Variants in NFX1 observed in about 807,000 individuals in gnomAD.
NFX1 encodes nuclear transcription factor, X-box binding 1.
In NFX1, 69 loss-of-function variants were observed where a neutral mutation model predicts 137.2. That is an observed-to-expected ratio of 0.50 (90% CI 0.41 to 0.61). The LOEUF is 0.61. NFX1 is among the 20% of genes least tolerant of loss of function. NFX1 has a pLI of 0.00. For synonymous variants in NFX1, 495 were observed against 474.1 expected (o/e 1.04, Z -0.57); for missense variants, 1,167 against 1,391.0 (o/e 0.84, Z 2.56).
At chr9:33,369,828 T>A in intron 23 of NFX1, 78 bp from the exon 24 acceptor site, 1 of 984,216 alleles carries the variant, frequency 1.0e-6, no homozygotes, top group Non-Finnish European at 1.6e-6. Context: ...GTAAATCAGC[T>A]GATCCTTAAC....
At chr9:33,334,542 A>G (rs1822929443) in intron 11 of NFX1, among the ~76,000 whole-genome samples, 1 of 152,236 alleles carries the variant, frequency 6.6e-6, no homozygotes, top group African/African-American at 2.4e-5. Context: ...ATATGAAGTG[A>G]AAGATGAAAA....
intron 11 of NFX1, among the ~76,000 whole-genome samples, chr9:33,336,817 C>A (rs1021660277): frequency 6.6e-6 from 1 of 151,984 alleles, no homozygotes; most frequent in Non-Finnish European, 1.5e-5. Flanking sequence ...AAAGTTTTTC[C>A]AGGGCTGGGC....
At chr9:33,332,691 AAGCTAAGTGCACTCATGTCTAC>A (rs1314542443) in intron 11 of NFX1, 189 bp downstream of exon 11, 3 of 527,052 alleles carry the variant, frequency 5.7e-6, no homozygotes. Context: ...TGAAAAATAT[AAGCTAAGTGCACTCATGTCTAC>A]AGCTTGCTTT....
At chr9:33,328,343 ATCG>A (rs1168223361) in intron 9 of NFX1, among the ~76,000 whole-genome samples, 3 of 152,020 alleles carry the variant, frequency 2.0e-5, no homozygotes, top group African/African-American at 7.2e-5. Context: ...ACTTAGGCAA[ATCG>A]TCGTATACTT....
intron 9 of NFX1, among the ~76,000 whole-genome samples, chr9:33,326,482 G>C (rs932693666): frequency 6.6e-6 from 1 of 151,744 alleles, no homozygotes; most frequent in African/African-American, 2.4e-5. Context: ...TACTCAGGAG[G>C]CTGAGGTGGA....
chr9:33,298,810 G>T (rs184763542), intron 2 of NFX1, among the ~76,000 whole-genome samples: 2 of 152,138 alleles, frequency 1.3e-5, no homozygotes, highest in African/African-American at 4.8e-5. Context: ...TTAAGCTGCT[G>T]TGTGGAGAAT....
At chr9:33,317,403 A>G (rs1375869122) in intron 7 of NFX1, among the ~76,000 whole-genome samples, 1 of 143,486 alleles carries the variant, frequency 7.0e-6, no homozygotes, top group East Asian at 2.0e-4. Flanking sequence ...TGGGTGACAA[A>G]GTGAGGCCCT....
intron 9 of NFX1, among the ~76,000 whole-genome samples, chr9:33,324,720 G>A (rs1822513407): frequency 6.6e-6 from 1 of 151,896 alleles, no homozygotes; most frequent in South Asian, 2.1e-4. Flanking sequence ...GAGGTCAGGA[G>A]ATCGAGACCA....
chr9:33,305,683 C>T (rs1450390125), intron 4 of NFX1, among the ~76,000 whole-genome samples: 1 of 152,142 alleles, frequency 6.6e-6, no homozygotes, highest in African/African-American at 2.4e-5. Context: ...AGGTTGATTC[C>T]TGACAGTAGT....
In NFX1 at chr9:33,317,720, A is replaced by C. The variant is rs553260588; in HGVS notation, c.1589-1011A>C. Among the ~76,000 whole-genome samples the C allele has an allele frequency of 2.0e-4, 31 of 151,944 alleles. No individual in the cohort carries two copies. In the East Asian group the frequency reaches 5.8e-3, roughly 28 times the overall value. On this transcript the variant is annotated intron_variant, in intron 7 of 23. Transcript: ENST00000379540. Reference sequence around the variant, plus strand: ...GCCGGGCGTGGTGGCTCACGCCTGTAGTCCCAGCCCTTTGGGAAGCTGAGG... The same window carrying C: ...GCCGGGCGTGGTGGCTCACGCCTGTCGTCCCAGCCCTTTGGGAAGCTGAGG...
chr9:33,355,939 C>T (rs907715675), intron 19 of NFX1, among the ~76,000 whole-genome samples: 1 of 152,176 alleles, frequency 6.6e-6, no homozygotes, highest in African/African-American at 2.4e-5. Context: ...GCCACCACGC[C>T]CAGCCCAGAA....
rs779028887 is a variant in NFX1 at position 33,365,276 on chromosome 9, AAAAG to A, written c.3039+523_3039+526del. 2.3e-3 allele frequency: 353 copies of A among 153,830 alleles called. 1 individual carries two copies. Among genetic ancestry groups the A allele is most frequent in the African/African-American group, 7.2e-3 (300 of 41,496 alleles). 9.5% of individuals were successfully genotyped at this position (153,830 alleles called of 1,614,324 possible). A position where few individuals can be genotyped will look rare whatever the true frequency, so the allele number is the denominator to read the frequency against. On this transcript the variant is annotated intron_variant, in intron 21 of 23. Coordinates refer to ENST00000379540, the MANE Select transcript of NFX1 (RefSeq NM_002504.6). ...GCAACAAGAGTGAAACTCTGTCTCA[AAAAG>A]AAAGAAAGAAAGAAAGAAAGCTCTG... is the stretch of plus-strand genomic sequence containing the variant.
At chr9:33,356,574 C>G (rs967484656) in intron 19 of NFX1, among the ~76,000 whole-genome samples, 1 of 152,012 alleles carries the variant, frequency 6.6e-6, no homozygotes, top group Non-Finnish European at 1.5e-5. Context: ...AAAAATTTGT[C>G]TATCCTGAGG....
At chr9:33,314,448 C>T (rs78695051) in intron 7 of NFX1, among the ~76,000 whole-genome samples, 8,565 of 151,650 alleles carry the variant, frequency 0.056, 753 homozygotes, top group African/African-American at 0.19. Flanking sequence ...AGGGTGAGGC[C>T]GGTGGATCAC....
chr9:33,291,001 A>G (rs1384398524), intron 1 of NFX1, among the ~76,000 whole-genome samples: 5 of 152,140 alleles, frequency 3.3e-5, no homozygotes, highest in African/African-American at 9.7e-5. Context: ...CGTGGGCGCG[A>G]GCCGAATTCC....
chr9:33,353,096 CA>C (rs2118645369), intron 17 of NFX1, among the ~76,000 whole-genome samples: 1 of 152,318 alleles, frequency 6.6e-6, no homozygotes, highest in Admixed American at 6.5e-5. Context: ...TTCAAAGAAA[CA>C]GTGCTGCTTT....
At chr9:33,321,790 G>T (rs1822394241) in intron 9 of NFX1, among the ~76,000 whole-genome samples, 1 of 149,526 alleles carries the variant, frequency 6.7e-6, no homozygotes, top group African/African-American at 2.5e-5. Flanking sequence ...GAGGCAAAAG[G>T]ATCATTTGAC....
chr9:33,312,819 C>T (rs1242802559), intron 6 of NFX1, among the ~76,000 whole-genome samples: 1 of 152,074 alleles, frequency 6.6e-6, no homozygotes, highest in Non-Finnish European at 1.5e-5. Context: ...TGCAGTGAGC[C>T]GAGATGGCTC....
chr9:33,291,922 C>T (rs1227833187), intron 1 of NFX1, among the ~76,000 whole-genome samples: 1 of 152,148 alleles, frequency 6.6e-6, no homozygotes, highest in Non-Finnish European at 1.5e-5. Context: ...AGTTGGAAAA[C>T]ACACTGCATT....
Sources: allele counts gnomAD v4.1 joint callset (sites outside exome capture counted in the v4.1 genomes callset), GRCh38; gene constraint gnomAD v4.1.1; transcripts MANE v1.5; gene names NCBI Gene and HGNC (gene_info 2026-07-23, HGNC 2026-07-21).